ATAD1: variants seen among roughly 807,000 people sequenced by gnomAD.
ATAD1 encodes ATPase family AAA domain containing 1.
Under a neutral mutation model 42.7 loss-of-function variants are expected in ATAD1, and 18 were observed. That is an observed-to-expected ratio of 0.42 (90% CI 0.29 to 0.63). The LOEUF (loss-of-function observed/expected upper bound fraction) is 0.63, where lower values mean the gene tolerates loss of function less well. Among genes scored for constraint, ATAD1 ranks in the 20% least tolerant of loss-of-function variants. ATAD1 has a pLI of 0.19. For synonymous variants in ATAD1, 132 were observed against 143.1 expected (o/e 0.92, Z 0.55); for missense variants, 294 against 440.4 (o/e 0.67, Z 2.98).
chr10:87,768,473 T>C (rs1854870821), intron 7 of ATAD1, among the ~76,000 whole-genome samples: 1 of 152,238 alleles, frequency 6.6e-6, no homozygotes, highest in East Asian at 1.9e-4. Context: ...GTAGGAAGGT[T>C]AATTTGATAT....
intron 3 of ATAD1, 50 bp downstream of exon 3, chr10:87,792,607 A>T (rs760246318): frequency 7.6e-7 from 1 of 1,318,800 alleles, no homozygotes; most frequent in Non-Finnish European, 1.1e-6. Context: ...AAAATGCTAG[A>T]ACCCACCCCC....
At chr10:87,793,479 A>G (rs939761966) in intron 2 of ATAD1, among the ~76,000 whole-genome samples, 4 of 152,236 alleles carry the variant, frequency 2.6e-5, no homozygotes, top group Non-Finnish European at 5.9e-5. Context: ...CCTAAGAGCC[A>G]ATACTATGAG....
intron 7 of ATAD1, 111 bp downstream of exon 7, chr10:87,770,841 C>T: frequency 1.2e-6 from 1 of 814,106 alleles, no homozygotes; most frequent in Non-Finnish European, 1.9e-6. Context: ...CCATTCCTTC[C>T]CTGTCATAAG....
intron 1 of ATAD1, among the ~76,000 whole-genome samples, chr10:87,836,832 T>C (rs1857938812): frequency 6.6e-6 from 1 of 152,220 alleles, no homozygotes; most frequent in Non-Finnish European, 1.5e-5. Context: ...TTTGGTGGTG[T>C]CCCACCAGTC....
At chr10:87,776,203 A>C (rs1199733503) in intron 6 of ATAD1, 118 bp downstream of exon 6, 2 of 707,276 alleles carry the variant, frequency 2.8e-6, no homozygotes, top group East Asian at 5.2e-5. Context: ...TCACTTAGTC[A>C]TAAGTGTAAA....
Position 87,785,699 on chromosome 10 carries a change from T to C in ATAD1, c.383-1029A>G, listed in dbSNP as rs570290215. ...TTCAAAATGAGAGGAAAAATAATTT[T>C]GTATGAAAATTCCCAAAAATATCTC... On this transcript the variant is annotated intron_variant, in intron 4 of 9. Transcript: ENST00000680024. Among the ~76,000 whole-genome samples the C allele has an allele frequency of 4.6e-5, 7 of 151,386 alleles. No individual in the cohort carries two copies. The South Asian group carries it at 1.2e-3, about 27-fold the overall frequency.
intron 8 of ATAD1, among the ~76,000 whole-genome samples, chr10:87,758,581 T>C (rs1413778407): frequency 1.3e-5 from 2 of 151,668 alleles, no homozygotes; most frequent in Non-Finnish European, 2.9e-5. Flanking sequence ...ATACTTATGC[T>C]AAAGGGAAAA....
intron 7 of ATAD1, among the ~76,000 whole-genome samples, chr10:87,770,413 A>T (rs1404439277): frequency 6.6e-6 from 1 of 152,190 alleles, no homozygotes. Flanking sequence ...TTTTTAACTA[A>T]CAAAAAATGC....
intron 8 of ATAD1, chr10:87,759,863 T>G (rs1854401869): frequency 2.5e-6 from 1 of 400,194 alleles, no homozygotes; most frequent in Admixed American, 2.7e-5. Flanking sequence ...ACCAAAATGC[T>G]TGGCACATAG....
intron 9 of ATAD1, among the ~76,000 whole-genome samples, chr10:87,755,877 G>A (rs547146155): frequency 6.6e-6 from 1 of 152,232 alleles, no homozygotes; most frequent in Non-Finnish European, 1.5e-5. Flanking sequence ...ACTCCAGCCT[G>A]GGCAAAAGAG....
intron 4 of ATAD1, among the ~76,000 whole-genome samples, chr10:87,786,203 AC>A (rs1855824571): frequency 2.0e-5 from 3 of 152,214 alleles, no homozygotes; most frequent in Non-Finnish European, 4.4e-5. Context: ...AAACTTTTAT[AC>A]ACATGTTACT....
chr10:87,795,654 T>C (rs575539690), intron 2 of ATAD1, among the ~76,000 whole-genome samples: 2 of 152,258 alleles, frequency 1.3e-5, no homozygotes, highest in African/African-American at 4.8e-5. Flanking sequence ...TTTCATGCTA[T>C]TTCACTTTTT....
At chr10:87,810,556 A>G (rs151110939) in intron 2 of ATAD1, among the ~76,000 whole-genome samples, 7 of 152,284 alleles carry the variant, frequency 4.6e-5, no homozygotes, top group Admixed American at 1.3e-4. Flanking sequence ...TAGAAATGTT[A>G]TATTTATTGG....
At chr10:87,759,863 T>C in intron 8 of ATAD1, 1 of 400,312 alleles carries the variant, frequency 2.5e-6, no homozygotes, top group Non-Finnish European at 5.1e-6. Context: ...ACCAAAATGC[T>C]TGGCACATAG....
At chr10:87,770,801 G>C in intron 7 of ATAD1, 151 bp downstream of exon 7, 1 of 575,754 alleles carries the variant, frequency 1.7e-6, no homozygotes. Context: ...GAGTGGAAAG[G>C]ACAAAGAAGC....
intron 6 of ATAD1, among the ~76,000 whole-genome samples, chr10:87,775,126 A>G (rs1345346869): frequency 6.6e-6 from 1 of 152,080 alleles, no homozygotes; most frequent in Non-Finnish European, 1.5e-5. Context: ...ACAAAATAGG[A>G]AATACTAAAG....
At chr10:87,801,470 C>A (rs555828499) in intron 2 of ATAD1, among the ~76,000 whole-genome samples, 6 of 151,752 alleles carry the variant, frequency 4.0e-5, no homozygotes, top group African/African-American at 1.5e-4. Context: ...TTTTCTTGGT[C>A]TGTATTTGTA....
chr10:87,769,527 A>C (rs183540396), intron 7 of ATAD1, among the ~76,000 whole-genome samples: 176 of 152,324 alleles, frequency 1.2e-3, no homozygotes, highest in Non-Finnish European at 2.2e-3. Flanking sequence ...ACATACCTTC[A>C]TAAAGCATAT....
chr10:87,833,833 T>G (rs1276328359), intron 1 of ATAD1, among the ~76,000 whole-genome samples: 1 of 147,862 alleles, frequency 6.8e-6, no homozygotes, highest in Non-Finnish European at 1.5e-5. Flanking sequence ...GTTCAAGCAA[T>G]TCTGCTTCAT....
Sources: gnomAD v4.1 joint callset for allele counts (sites outside exome capture counted in the v4.1 genomes callset) on GRCh38, gnomAD v4.1.1 for gene constraint, MANE v1.5 for transcripts, NCBI Gene and HGNC (gene_info 2026-07-23, HGNC 2026-07-21) for gene names.